Variants in DPY19L4 observed in about 807,000 individuals in gnomAD.
DPY19L4 encodes the protein dpy-19 like 4, also known as probable C-mannosyltransferase DPY19L4.
A neutral mutation model predicts 102.8 loss-of-function variants in DPY19L4; 97 were observed. That is an observed-to-expected ratio of 0.94 (90% CI 0.80 to 1.12). DPY19L4 has a LOEUF of 1.12. Among genes scored for constraint, DPY19L4 ranks in the 50% most tolerant of loss-of-function variants. The pLI, the probability that DPY19L4 is intolerant of heterozygous loss-of-function variation, is 0.00. For missense variants in DPY19L4, 815 were observed against 850.4 expected (o/e 0.96, Z 0.52); for synonymous variants, 252 against 283.1 (o/e 0.89, Z 1.10).
chr8:94,749,583 A>G (rs538490089), intron 6 of DPY19L4, among the ~76,000 whole-genome samples: 1 of 152,276 alleles, frequency 6.6e-6, no homozygotes, highest in African/African-American at 2.4e-5. Flanking sequence ...CTAAATAGGG[A>G]GAAGGGAAAG....
chr8:94,736,036 AG>A (rs1811175074), intron 3 of DPY19L4, among the ~76,000 whole-genome samples: 6 of 152,192 alleles, frequency 3.9e-5, no homozygotes, highest in Admixed American at 3.9e-4. Flanking sequence ...ACAGTTCTGG[AG>A]GCTGAAAAGT....
intron 8 of DPY19L4, among the ~76,000 whole-genome samples, chr8:94,764,165 T>C (rs1212231972): frequency 1.3e-5 from 2 of 152,270 alleles, no homozygotes; most frequent in African/African-American, 4.8e-5. Context: ...TAATTTGAGG[T>C]TGCATAGATG....
intron 6 of DPY19L4, among the ~76,000 whole-genome samples, chr8:94,743,575 G>A (rs1456945769): frequency 6.6e-6 from 1 of 151,868 alleles, no homozygotes; most frequent in Admixed American, 6.6e-5. Context: ...GCCTGAGGCT[G>A]CAGTGAGCTA....
intron 10 of DPY19L4, 74 bp downstream of exon 10, chr8:94,765,883 A>C (rs1812652484): frequency 2.1e-6 from 2 of 965,274 alleles, no homozygotes; most frequent in African/African-American, 3.3e-5. Flanking sequence ...TTTTAATGAG[A>C]ATAATGAGAT....
At chr8:94,773,213 CAAAAA>C (rs1319486647) in intron 13 of DPY19L4, among the ~76,000 whole-genome samples, 4 of 67,542 alleles carry the variant, frequency 5.9e-5, no homozygotes, top group Admixed American at 1.7e-4. Context: ...GACTCCGTAT[CAAAAA>C]AAAAAAAAAA....
rs114145790 is a variant in DPY19L4 at position 94,784,069 on chromosome 8, G to A, written c.1848+267G>A. 7.9e-3 allele frequency among the ~76,000 whole-genome samples: 1,196 copies of A among 152,250 alleles called. 14 individuals are homozygous for A. Among genetic ancestry groups the A allele is most frequent in the African/African-American group, 0.028 (1,148 of 41,530 alleles). On this transcript the variant is annotated intron_variant, in intron 17 of 18. Transcript: ENST00000414645. ...CTTAATTTTCCACAAAGTATCAAGGGACCTAATGTGTAATATTTTACCCAG... is the reference window on the plus strand; with the variant it reads ...CTTAATTTTCCACAAAGTATCAAGGAACCTAATGTGTAATATTTTACCCAG...
intron 7 of DPY19L4, among the ~76,000 whole-genome samples, chr8:94,760,715 C>A (rs1812360147): frequency 6.6e-6 from 1 of 152,112 alleles, no homozygotes; most frequent in Admixed American, 6.6e-5. Context: ...GGTCATTTGA[C>A]ACTACAGCCA....
chr8:94,764,130 T>TA (rs34099609), intron 8 of DPY19L4, among the ~76,000 whole-genome samples: 1 of 152,238 alleles, frequency 6.6e-6, no homozygotes, highest in Non-Finnish European at 1.5e-5. Flanking sequence ...GGGCTACTGC[T>TA]AAAAATTATG....
intron 10 of DPY19L4, among the ~76,000 whole-genome samples, chr8:94,766,360 A>G (rs1812671825): frequency 6.6e-6 from 1 of 152,172 alleles, no homozygotes; most frequent in South Asian, 2.1e-4. Context: ...GGGCAACAAG[A>G]GTGAAACTCT....
intron 6 of DPY19L4, among the ~76,000 whole-genome samples, chr8:94,749,318 T>C (rs750550164): frequency 9.2e-5 from 14 of 152,160 alleles, no homozygotes; most frequent in Non-Finnish European, 1.6e-4. Flanking sequence ...TTAGAAGATG[T>C]TGGGCACGGG....
intron 18 of DPY19L4, 43 bp downstream of exon 18, chr8:94,788,095 ATT>A (rs758246219): frequency 2.4e-3 from 2,286 of 946,282 alleles, no homozygotes; most frequent in East Asian, 5.8e-3. Context: ...ATATATATAT[ATT>A]TTTTTTTTAG....
chr8:94,745,758 A>G (rs1030066743), intron 6 of DPY19L4, among the ~76,000 whole-genome samples: 1 of 152,230 alleles, frequency 6.6e-6, no homozygotes, highest in East Asian at 1.9e-4. Flanking sequence ...TGTTTGTAAT[A>G]AATTTTTTTT....
intron 2 of DPY19L4, among the ~76,000 whole-genome samples, chr8:94,729,862 T>C (rs1462306648): frequency 6.6e-6 from 1 of 151,630 alleles, no homozygotes; most frequent in Non-Finnish European, 1.5e-5. Context: ...GTTAAAAAAT[T>C]TGAAAAATAC....
At chr8:94,758,838 G>A (rs1330730239) in intron 7 of DPY19L4, among the ~76,000 whole-genome samples, 2 of 151,862 alleles carry the variant, frequency 1.3e-5, no homozygotes, top group Non-Finnish European at 2.9e-5. Context: ...AAGTTCAAGC[G>A]ATTACCATGT....
At chr8:94,751,711 A>T (rs1341836218) in intron 6 of DPY19L4, among the ~76,000 whole-genome samples, 1 of 151,552 alleles carries the variant, frequency 6.6e-6, no homozygotes, top group Non-Finnish European at 1.5e-5. Flanking sequence ...GCTGATCTCG[A>T]ACTCCTGGGC....
chr8:94,724,632 A>G (rs1390060759), intron 1 of DPY19L4, among the ~76,000 whole-genome samples: 1 of 151,664 alleles, frequency 6.6e-6, no homozygotes, highest in African/African-American at 2.4e-5. Context: ...CTCTGTCACC[A>G]GGCTAGAGTG....
intron 12 of DPY19L4, among the ~76,000 whole-genome samples, chr8:94,768,863 C>T (rs1231583670): frequency 1.3e-5 from 2 of 151,416 alleles, no homozygotes; most frequent in Admixed American, 6.6e-5. Flanking sequence ...GTGATGGGTG[C>T]CCATCTAATA....
chr8:94,746,422 AATAAT>A (rs1811676956), intron 6 of DPY19L4, among the ~76,000 whole-genome samples: 1 of 152,210 alleles, frequency 6.6e-6, no homozygotes, highest in African/African-American at 2.4e-5. Flanking sequence ...AGTCACTTGT[AATAAT>A]ATAAAAAATC....
intron 13 of DPY19L4, among the ~76,000 whole-genome samples, chr8:94,777,374 T>C (rs543210519): frequency 6.6e-6 from 1 of 152,314 alleles, no homozygotes; most frequent in African/African-American, 2.4e-5. Flanking sequence ...GTCCACCAAA[T>C]TGCCTTCTGA....
Sources: allele counts gnomAD v4.1 joint callset (sites outside exome capture counted in the v4.1 genomes callset), GRCh38; gene constraint gnomAD v4.1.1; transcripts MANE v1.5; gene names NCBI Gene and HGNC (gene_info 2026-07-23, HGNC 2026-07-21).